FUT9: variants seen among roughly 807,000 people sequenced by gnomAD.
FUT9 encodes the protein fucosyltransferase 9, also known as 4-galactosyl-N-acetylglucosaminide 3-alpha-L-fucosyltransferase 9.
FUT9 carries 15 observed loss-of-function variants against 29.7 expected under a neutral mutation model. The observed-to-expected ratio is 0.51, with a 90% CI of 0.34 to 0.78. The LOEUF (loss-of-function observed/expected upper bound fraction) is 0.78. Among genes scored for constraint, FUT9 ranks in the 30% least tolerant of loss-of-function variants. FUT9 has a pLI of 0.01. For synonymous variants in FUT9, 169 were observed against 153.7 expected (o/e 1.10, Z -0.74); for missense variants, 319 against 425.4 (o/e 0.75, Z 2.20).
intron 1 of FUT9, among the ~76,000 whole-genome samples, chr6:96,103,501 G>A (rs899069893): frequency 1.3e-5 from 2 of 152,132 alleles, no homozygotes; most frequent in Non-Finnish European, 2.9e-5. Context: ...TCACAATTCT[G>A]GAGGCTAGAA....
chr6:96,057,218 T>C (rs958449149), intron 1 of FUT9, among the ~76,000 whole-genome samples: 1 of 152,154 alleles, frequency 6.6e-6, no homozygotes, highest in Non-Finnish European at 1.5e-5. Flanking sequence ...AAAAGAGAGG[T>C]TGGATAGATG....
chr6:96,071,452 A>G (rs1205087600), intron 1 of FUT9, among the ~76,000 whole-genome samples: 2 of 152,200 alleles, frequency 1.3e-5, no homozygotes, highest in Admixed American at 1.3e-4. Flanking sequence ...CCCAGATATA[A>G]TAACTATTAA....
intron 2 of FUT9, among the ~76,000 whole-genome samples, chr6:96,168,296 T>A (rs986617004): frequency 6.6e-6 from 1 of 152,140 alleles, no homozygotes; most frequent in African/African-American, 2.4e-5. Flanking sequence ...AGATACATAA[T>A]TGGTAACTTT....
chr6:96,087,531 T>C (rs927565083), intron 1 of FUT9, among the ~76,000 whole-genome samples: 5 of 151,970 alleles, frequency 3.3e-5, no homozygotes, highest in African/African-American at 1.2e-4. Context: ...AATGCCCAGC[T>C]AATTTTTGTA....
intron 1 of FUT9, among the ~76,000 whole-genome samples, chr6:96,076,256 T>G (rs1477701451): frequency 2.0e-5 from 3 of 152,216 alleles, no homozygotes; most frequent in African/African-American, 7.2e-5. Context: ...AAGACTATTT[T>G]GGGCTGGGAT....
intron 2 of FUT9, among the ~76,000 whole-genome samples, chr6:96,136,571 A>T (rs1772352570): frequency 6.6e-6 from 1 of 151,990 alleles, no homozygotes; most frequent in African/African-American, 2.4e-5. Context: ...AATGTACCTA[A>T]CATTGGCAAT....
At chr6:96,189,576 G>T (rs1275542191) in intron 2 of FUT9, among the ~76,000 whole-genome samples, 1 of 152,078 alleles carries the variant, frequency 6.6e-6, no homozygotes, top group Non-Finnish European at 1.5e-5. Context: ...CTTGCTTTAT[G>T]AATCTGGGTG....
chr6:96,167,001 A>G (rs1379522433), intron 2 of FUT9, among the ~76,000 whole-genome samples: 1 of 152,154 alleles, frequency 6.6e-6, no homozygotes, highest in East Asian at 1.9e-4. Flanking sequence ...ATCCACTGTC[A>G]GTTGAATCCA....
chr6:96,063,189 G>T (rs1770905762), intron 1 of FUT9, among the ~76,000 whole-genome samples: 2 of 152,178 alleles, frequency 1.3e-5, no homozygotes, highest in African/African-American at 4.8e-5. Context: ...TATAAAAGCT[G>T]GCTGACAATT....
At chr6:96,020,381 T>C (rs59107957) in intron 1 of FUT9, among the ~76,000 whole-genome samples, 18,427 of 152,120 alleles carry the variant, frequency 0.12, 1,452 homozygotes, top group Admixed American at 0.26. Context: ...ATTTATGTCA[T>C]CACAGAGAAG....
intron 2 of FUT9, among the ~76,000 whole-genome samples, chr6:96,142,648 G>A (rs916139917): frequency 6.6e-6 from 1 of 150,868 alleles, no homozygotes; most frequent in African/African-American, 2.4e-5. Context: ...ATTTTTTTCT[G>A]TATGCAGATC....
At chr6:96,149,617 A>T (rs917646713) in intron 2 of FUT9, among the ~76,000 whole-genome samples, 2 of 152,224 alleles carry the variant, frequency 1.3e-5, no homozygotes, top group African/African-American at 4.8e-5. Flanking sequence ...AATAAACCTT[A>T]TTGAAGCATG....
intron 2 of FUT9, among the ~76,000 whole-genome samples, chr6:96,183,536 T>A (rs1208793599): frequency 6.6e-6 from 1 of 152,092 alleles, no homozygotes; most frequent in Non-Finnish European, 1.5e-5. Flanking sequence ...TCAGAGGGAA[T>A]GCTTTCAATT....
In FUT9 at chr6:96,205,213, C is replaced by T. The variant is rs1017662778; in HGVS notation, c.*978C>T. On this transcript the variant is annotated 3_prime_UTR_variant, in exon 3 of 3. Coordinates refer to ENST00000302103, the MANE Select transcript of FUT9 (RefSeq NM_006581.4). Reference sequence around the variant, plus strand: ...TTTGGCTCATAATGATGAGCCCTATCATTTGATTTGAGTTCTATCATTTAA... The same window carrying T: ...TTTGGCTCATAATGATGAGCCCTATTATTTGATTTGAGTTCTATCATTTAA... 23 of 166,950 alleles carry T rather than the reference C, an allele frequency of 1.4e-4. No homozygotes were observed. Among genetic ancestry groups the T allele is most frequent in the African/African-American group, 5.3e-4 (22 of 41,516 alleles). The allele number at this position is 166,950 out of a possible 1,614,324, so 10.3% of individuals were successfully genotyped here.
intron 2 of FUT9, among the ~76,000 whole-genome samples, chr6:96,138,007 A>T (rs201314222): frequency 8.6e-5 from 1 of 11,648 alleles, no homozygotes; most frequent in Non-Finnish European, 4.4e-4. Flanking sequence ...ACCTGTCTCT[A>T]ATGTGCTTAT....
rs534308112 is a variant in FUT9 at position 96,060,892 on chromosome 6, G to T, written c.-98+44680G>T. On this transcript the variant is annotated intron_variant, in intron 1 of 2. Transcript: ENST00000302103. ...TAGCTGGACATTTACAGCATTTAAA[G>T]GATGGAATTCAATTAATAAAAAAGA... 1.1e-4 allele frequency among the ~76,000 whole-genome samples: 17 copies of T among 152,182 alleles called. 1 individual carries two copies. In the South Asian group the frequency reaches 3.5e-3, roughly 32 times the overall value.
intron 1 of FUT9, among the ~76,000 whole-genome samples, chr6:96,066,787 C>G (rs1770968478): frequency 6.6e-6 from 1 of 151,998 alleles, no homozygotes; most frequent in African/African-American, 2.4e-5. Context: ...GCGGAATAGA[C>G]ATAGTAAAGA....
At chr6:96,180,134 G>A (rs1773278474) in intron 2 of FUT9, among the ~76,000 whole-genome samples, 1 of 152,028 alleles carries the variant, frequency 6.6e-6, no homozygotes, top group Admixed American at 6.6e-5. Flanking sequence ...ATTCAATAAT[G>A]AAACAAGTAT....
chr6:96,039,607 CCTCCTCACAGGGG>C (rs376914440), intron 1 of FUT9, among the ~76,000 whole-genome samples: 12 of 152,228 alleles, frequency 7.9e-5, no homozygotes, highest in African/African-American at 2.6e-4. Context: ...AGCATTACCT[CCTCCTCACAGGGG>C]CTTCCTCAGT....
Sources: gnomAD v4.1 joint callset for allele counts (sites outside exome capture counted in the v4.1 genomes callset) on GRCh38, gnomAD v4.1.1 for gene constraint, MANE v1.5 for transcripts, NCBI Gene and HGNC (gene_info 2026-07-23, HGNC 2026-07-21) for gene names.